Variants in P2RX3 observed in about 807,000 individuals in gnomAD.
P2RX3 encodes P2X purinoceptor 3.
In P2RX3, 41 loss-of-function variants were observed where a neutral mutation model predicts 51.5. The ratio of observed to expected loss-of-function variants is 0.80; its 90% CI spans 0.62 to 1.03. The LOEUF (loss-of-function observed/expected upper bound fraction) is 1.03, where lower values mean the gene tolerates loss of function less well. Ranked by LOEUF, P2RX3 falls within the 50% of genes least tolerant of loss-of-function variation. The pLI is 0.00. For missense variants in P2RX3, 459 were observed against 522.1 expected, an observed-to-expected ratio of 0.88 and a Z score of 1.18; for synonymous variants, 185 against 191.6, an observed-to-expected ratio of 0.97 and a Z score of 0.29.
At chr11:57,361,722 T>G (rs1158485778) in intron 8 of P2RX3, among the ~76,000 whole-genome samples, 1 of 152,244 alleles carries the variant, frequency 6.6e-6, no homozygotes. Flanking sequence ...TCCATGTGTT[T>G]GCTATTGTGA....
At chr11:57,336,669 A>C (rs1486168653), upstream of P2RX3, among the ~76,000 whole-genome samples, 2 of 152,206 alleles carry the variant, frequency 1.3e-5, no homozygotes, top group Non-Finnish European at 2.9e-5. Context: ...GACCTCCTTA[A>C]CACCACCAGT....
At chr11:57,367,475 C>A (rs559756389) in intron 8 of P2RX3, among the ~76,000 whole-genome samples, 3 of 152,306 alleles carry the variant, frequency 2.0e-5, no homozygotes, top group Admixed American at 2.0e-4. Flanking sequence ...AATCCCAGCA[C>A]TTTTGGAGGC....
intron 1 of P2RX3, among the ~76,000 whole-genome samples, chr11:57,345,483 G>T (rs1856414655): frequency 1.3e-5 from 2 of 152,152 alleles, no homozygotes; most frequent in Non-Finnish European, 2.9e-5. Context: ...ATTTGATGAG[G>T]TTTTCTCATC....
At chr11:57,363,296 A>G (rs974563899) in intron 8 of P2RX3, among the ~76,000 whole-genome samples, 3 of 152,220 alleles carry the variant, frequency 2.0e-5, no homozygotes, top group Admixed American at 1.3e-4. Context: ...GAGAGTTTGC[A>G]ACAGTCAGGG....
At chr11:57,368,160 C>G (rs185838339) in intron 9 of P2RX3, 58 bp downstream of exon 9, 14 of 1,554,666 alleles carry the variant, frequency 9.0e-6, no homozygotes, top group Non-Finnish European at 1.2e-5. Flanking sequence ...GACCACCTCT[C>G]GGGTTCTGAA....
At chr11:57,339,017 C>A (rs1486764197) in intron 1 of P2RX3, among the ~76,000 whole-genome samples, 2 of 152,194 alleles carry the variant, frequency 1.3e-5, no homozygotes, top group Admixed American at 6.5e-5. Context: ...AGAGAACAGG[C>A]AGACCCCCTC....
intron 6 of P2RX3, 48 bp downstream of exon 6, chr11:57,348,752 C>A (rs1200202873): frequency 7.0e-7 from 1 of 1,419,260 alleles, no homozygotes; most frequent in Admixed American, 1.7e-5. Context: ...CACCCCCGGC[C>A]CTGCCAACCT....
intron 8 of P2RX3, among the ~76,000 whole-genome samples, chr11:57,352,227 T>A (rs186333291): frequency 2.9e-4 from 44 of 152,306 alleles, no homozygotes; most frequent in African/African-American, 9.9e-4. Context: ...ACCCACCCCA[T>A]TAAGCTTTAT....
chr11:57,369,839 T>C (rs772532445), intron 11 of P2RX3, 45 bp from the exon 12 acceptor site: 2 of 1,363,910 alleles, frequency 1.5e-6, no homozygotes, highest in African/African-American at 1.4e-5. Flanking sequence ...AAAGAGGACA[T>C]TGCCCATAGT....
Position 57,369,828 on chromosome 11 carries a change from A to C in P2RX3, c.1081-56A>C, listed in dbSNP as rs1856854109. On this transcript the variant is annotated intron_variant, in intron 11 of 11. Transcript: ENST00000263314. ...TGCTGAGTCTGTCAAATGGGGTCAC[A>C]AAAGAGGACATTGCCCATAGTCAGA... 2.3e-6 allele frequency: 3 copies of C among 1,284,870 alleles called. No homozygotes were observed. The South Asian group carries it at 3.7e-5, about 16-fold the overall frequency. 79.6% of individuals were successfully genotyped at this position (1,284,870 alleles called of 1,614,324 possible).
At chr11:57,345,594 C>A (rs1264169484) in intron 1 of P2RX3, among the ~76,000 whole-genome samples, 1 of 151,926 alleles carries the variant, frequency 6.6e-6, no homozygotes, top group Non-Finnish European at 1.5e-5. Context: ...TGAGGCTGAG[C>A]GGGGACTTCA....
At chr11:57,361,714 C>T (rs902429772) in intron 8 of P2RX3, among the ~76,000 whole-genome samples, 2 of 152,108 alleles carry the variant, frequency 1.3e-5, no homozygotes, top group African/African-American at 4.8e-5. Flanking sequence ...GAGTTGATTC[C>T]ATGTGTTTGC....
At chr11:57,346,720 C>T (rs747084380) in intron 2 of P2RX3, 41 bp downstream of exon 2, 2 of 1,607,012 alleles carry the variant, frequency 1.2e-6, no homozygotes, top group Admixed American at 1.7e-5. Flanking sequence ...GATGTCCAGA[C>T]ACTGGGCAGG....
intron 1 of P2RX3, among the ~76,000 whole-genome samples, chr11:57,339,596 T>A (rs955594477): frequency 6.6e-6 from 1 of 152,198 alleles, no homozygotes; most frequent in Non-Finnish European, 1.5e-5. Flanking sequence ...CTGTCCTTCT[T>A]GTGGTCATTT....
rs772539256 is a variant in P2RX3 at position 57,346,582 on chromosome 11, ACACAG to A, written c.160_164del (p.Thr54HisfsTer2). On this transcript the variant is annotated frameshift_variant, in exon 2 of 12. Transcript: ENST00000263314. LOFTEE classifies it high-confidence loss of function. Reference sequence around the variant, plus strand: ...CACGAGAAGGCTTACCAGGTACGGGACACAGCCATTGAGTCCTCGGTGGTAACCAA... The same window carrying A: ...CACGAGAAGGCTTACCAGGTACGGGACCATTGAGTCCTCGGTGGTAACCAA... The A allele has an allele frequency of 6.2e-7, 1 of 1,614,066 alleles. No homozygotes were observed. Among genetic ancestry groups the A allele is most frequent in the Non-Finnish European group, 8.5e-7 (1 of 1,180,026 alleles).
rs1247857482 is a variant in P2RX3 at position 57,372,053 on chromosome 11, A to T, written c.*2056A>T. On this transcript the variant is annotated 3_prime_UTR_variant, in exon 12 of 12. Coordinates refer to ENST00000263314, the MANE Select transcript of P2RX3 (RefSeq NM_002559.5). Reference sequence around the variant, plus strand: ...TGCTAGATGTAGGGTTAATATCAGTAGTGATAAAAACAGCTACCTTGTCTC... The same window carrying T: ...TGCTAGATGTAGGGTTAATATCAGTTGTGATAAAAACAGCTACCTTGTCTC... Among the ~76,000 whole-genome samples the T allele has an allele frequency of 2.0e-5, 3 of 152,246 alleles. No individual in the cohort carries two copies. The highest frequency in any genetic ancestry group is 4.4e-5 in the Non-Finnish European group (3 of 68,038).
intron 1 of P2RX3, among the ~76,000 whole-genome samples, chr11:57,345,482 G>A (rs1367314094): frequency 6.6e-6 from 1 of 152,126 alleles, no homozygotes; most frequent in Non-Finnish European, 1.5e-5. Context: ...TATTTGATGA[G>A]GTTTTCTCAT....
intron 1 of P2RX3, among the ~76,000 whole-genome samples, chr11:57,345,318 C>G (rs1344165122): frequency 6.6e-6 from 1 of 152,216 alleles, no homozygotes; most frequent in Non-Finnish European, 1.5e-5. Flanking sequence ...CTCCTCTGTT[C>G]CATGAGACGT....
At chr11:57,353,433 C>A (rs1005193973) in intron 8 of P2RX3, among the ~76,000 whole-genome samples, 4 of 152,102 alleles carry the variant, frequency 2.6e-5, no homozygotes, top group Admixed American at 1.3e-4. Context: ...AGAGGGGGAG[C>A]CTGGATTCAA....
Sources: gnomAD v4.1 joint callset for allele counts (sites outside exome capture counted in the v4.1 genomes callset) on GRCh38, gnomAD v4.1.1 for gene constraint, MANE v1.5 for transcripts, NCBI Gene and HGNC (gene_info 2026-07-23, HGNC 2026-07-21) for gene names.